Variants in VDR observed in about 807,000 individuals in gnomAD.
The protein encoded by VDR is vitamin D receptor.
A neutral mutation model predicts 39.7 loss-of-function variants in VDR; 19 were observed. That is an observed-to-expected ratio of 0.48 (90% CI 0.33 to 0.70). VDR has a LOEUF of 0.70. Among genes scored for constraint, VDR ranks in the 30% least tolerant of loss-of-function variants. The pLI, the probability that VDR is intolerant of heterozygous loss-of-function variation, is 0.02. For missense variants in VDR, 442 were observed against 570.5 expected (o/e 0.77, Z 2.29); for synonymous variants, 242 against 215.8 (o/e 1.12, Z -1.07).
At chr12:47,849,069 G>A (rs1945336376) in intron 7 of VDR, among the ~76,000 whole-genome samples, 2 of 152,180 alleles carry the variant, frequency 1.3e-5, no homozygotes, top group African/African-American at 4.8e-5. Context: ...AAAAGGCAGG[G>A]CTCACAAATC....
At chr12:47,903,073 TACAA>T (rs2137258334) in intron 1 of VDR, among the ~76,000 whole-genome samples, 1 of 152,346 alleles carries the variant, frequency 6.6e-6, no homozygotes, top group East Asian at 1.9e-4. Flanking sequence ...ATAATGTTTA[TACAA>T]ACAAAGTCTG....
Position 47,878,970 on chromosome 12 carries a change from G to C in VDR, c.144C>G (p.Phe48Leu). The stretch of plus-strand genomic sequence containing the variant: ...GAGAGCCTGGGAGGAGGGCTCACCT[G>C]AAGAAGCCTTTGCAGCCTTCACAGG... ...AMTCEGCKGF[F>L]RRSMKRKALF... is the part of the protein sequence containing the mutation. Residue 48 changes from phenylalanine to leucine, a missense_variant and splice_region_variant, in exon 3 of 10, where the codon TTC becomes TTG. Physicochemically the swap from Phe to Leu is conservative, Grantham distance 22. Coordinates refer to ENST00000549336, the MANE Select transcript of VDR (RefSeq NM_000376.3). 1 of 1,614,216 alleles carries C rather than the reference G, an allele frequency of 6.2e-7. No homozygotes were observed. Among genetic ancestry groups the C allele is most frequent in the Non-Finnish European group, 8.5e-7 (1 of 1,180,036 alleles).
At chr12:47,880,862 A>ATATATAT (rs747580353) in intron 2 of VDR, among the ~76,000 whole-genome samples, 10,760 of 146,890 alleles carry the variant, frequency 0.073, 442 homozygotes, top group African/African-American at 0.1. Context: ...ATACATATTA[A>ATATATAT]TATATATTAT....
chr12:47,868,622 C>G (rs988950472), intron 3 of VDR, among the ~76,000 whole-genome samples: 19 of 152,316 alleles, frequency 1.2e-4, no homozygotes, highest in African/African-American at 4.6e-4. Context: ...TGTTCCAGGA[C>G]ATGAGATTGG....
Position 47,844,926 on chromosome 12 carries a change from G to T in VDR, c.1104C>A (p.Arg368=), listed in dbSNP as rs35435255. 3.1e-6 allele frequency: 5 copies of T among 1,614,010 alleles called. No individual in the cohort carries two copies. The highest frequency in any genetic ancestry group is 4.2e-6 in the Non-Finnish European group (5 of 1,180,014). The change falls in exon 10 of 10, where the codon CGC becomes CGA. Residue 368 remains arginine (R), a synonymous_variant. Coordinates refer to ENST00000549336, the MANE Select transcript of VDR (RefSeq NM_000376.3). The part of the protein sequence containing the change: ...RLSNTLQTYI[R]CRHPPPGSHL... ...GGCTGCCCGGGGGCGGGTGGCGGCA[G>T]CGGATGTACGTCTGCAGTGTGTTGG...
At chr12:47,858,632 G>A (rs536807869) in intron 4 of VDR, among the ~76,000 whole-genome samples, 6 of 152,366 alleles carry the variant, frequency 3.9e-5, no homozygotes, top group African/African-American at 7.2e-5. Flanking sequence ...TGCCTGGCAC[G>A]GCGGCTGGGC....
intron 7 of VDR, among the ~76,000 whole-genome samples, chr12:47,851,731 G>A (rs905749322): frequency 6.6e-6 from 1 of 152,236 alleles, no homozygotes; most frequent in Non-Finnish European, 1.5e-5. Context: ...GTCCATACCA[G>A]TGTCCCTGCA....
chr12:47,897,476 C>A (rs1054329600), intron 1 of VDR, among the ~76,000 whole-genome samples: 1 of 152,190 alleles, frequency 6.6e-6, no homozygotes, highest in African/African-American at 2.4e-5. Flanking sequence ...CCGGAGCTGA[C>A]AGGCACAGAC....
At position 47,865,035 on chromosome 12, in the gene VDR, CT is replaced by C. The variant is rs1565618204; in HGVS notation, c.277+11del. On this transcript the variant is annotated intron_variant, in intron 4 of 9. Transcript: ENST00000549336. ...TTCAGGCCCAAACCCTGCCCAGCCC[CT>C]GGACACTCACACTCCTTCATCATGC... 9.3e-6 allele frequency: 15 copies of C among 1,613,112 alleles called. No homozygotes were observed. Among genetic ancestry groups the C allele is most frequent in the Non-Finnish European group, 1.2e-5 (14 of 1,179,122 alleles).
chr12:47,904,417 A>T, intron 1 of VDR: 1 of 527,926 alleles, frequency 1.9e-6, no homozygotes, highest in Non-Finnish European at 3.0e-6. Flanking sequence ...CCTGAAAAAA[A>T]ATAGGGCCAA....
intron 6 of VDR, among the ~76,000 whole-genome samples, chr12:47,856,599 T>C (rs1008446718): frequency 2.1e-5 from 3 of 145,762 alleles, no homozygotes; most frequent in African/African-American, 7.7e-5. Flanking sequence ...ATTTCTTTTC[T>C]AAATATACAT....
At chr12:47,852,576 A>G (rs1945408147) in intron 7 of VDR, among the ~76,000 whole-genome samples, 1 of 152,178 alleles carries the variant, frequency 6.6e-6, no homozygotes, top group African/African-American at 2.4e-5. Context: ...TGTGCAATGC[A>G]GTAGGAGTGT....
At chr12:47,869,259 G>A (rs1427691259) in intron 3 of VDR, among the ~76,000 whole-genome samples, 8 of 152,206 alleles carry the variant, frequency 5.3e-5, no homozygotes, top group Admixed American at 3.9e-4. Context: ...AGAGAAGGCC[G>A]GGCGCGGTGG....
chr12:47,882,436 G>T lies in VDR; in HGVS notation c.-3+258C>A, dbSNP rs142942992. On this transcript the variant is annotated intron_variant, in intron 2 of 9. Coordinates refer to ENST00000549336, the MANE Select transcript of VDR (RefSeq NM_000376.3). The stretch of plus-strand genomic sequence containing the variant: ...GATGGGGGCTGGATAGGAAACATCA[G>T]ACGCACAGGAGAGCCCAGCCAGGGT... Among the ~76,000 whole-genome samples the T allele has an allele frequency of 2.4e-3, 372 of 152,244 alleles. 1 individual carries two copies. Among genetic ancestry groups the T allele is most frequent in the African/African-American group, 8.5e-3 (351 of 41,538 alleles).
At chr12:47,853,755 C>T (rs937503367) in intron 7 of VDR, among the ~76,000 whole-genome samples, 4 of 150,964 alleles carry the variant, frequency 2.6e-5, no homozygotes, top group African/African-American at 9.7e-5. Flanking sequence ...AACTCTGTCT[C>T]AAAAAAAATA....
chr12:47,887,613 C>T (rs74085273), intron 1 of VDR, among the ~76,000 whole-genome samples: 6,155 of 152,310 alleles, frequency 0.04, 424 homozygotes, highest in African/African-American at 0.14. Context: ...GGTGGTAGCA[C>T]AGACAGCGTC....
At chr12:47,904,002 C>T (rs1248245249) in intron 1 of VDR, among the ~76,000 whole-genome samples, 1 of 152,028 alleles carries the variant, frequency 6.6e-6, no homozygotes, top group Non-Finnish European at 1.5e-5. Flanking sequence ...CAGAAAATGC[C>T]TGCCCAACTG....
At chr12:47,871,034 TA>T (rs1565622314) in intron 3 of VDR, among the ~76,000 whole-genome samples, 1 of 151,928 alleles carries the variant, frequency 6.6e-6, no homozygotes, top group Non-Finnish European at 1.5e-5. Flanking sequence ...CAGGTGGGTT[TA>T]AAAAAACATT....
intron 1 of VDR, among the ~76,000 whole-genome samples, chr12:47,893,677 C>T (rs982448164): frequency 6.6e-6 from 1 of 152,188 alleles, no homozygotes; most frequent in African/African-American, 2.4e-5. Flanking sequence ...CCTGCCTCCA[C>T]CAGTCCACTC....
Sources: allele counts gnomAD v4.1 joint callset (sites outside exome capture counted in the v4.1 genomes callset), GRCh38; gene constraint gnomAD v4.1.1; transcripts MANE v1.5; gene names NCBI Gene and HGNC (gene_info 2026-07-23, HGNC 2026-07-21).